The following POU6F2 variants were observed in gnomAD, a reference collection of about 807,000 sequenced individuals.
POU6F2 encodes the protein POU domain, class 6, transcription factor 2.
POU6F2 carries 31 observed loss-of-function variants against 71.3 expected under a neutral mutation model. The observed-to-expected ratio is 0.43, with a 90% CI of 0.33 to 0.59. The LOEUF is 0.59. Among genes scored for constraint, POU6F2 ranks in the 20% least tolerant of loss-of-function variants. POU6F2 has a pLI of 0.04. For synonymous variants in POU6F2, 347 were observed against 355.7 expected, an observed-to-expected ratio of 0.98 and a Z score of 0.27; for missense variants, 783 against 856.8, an observed-to-expected ratio of 0.91 and a Z score of 1.07.
intron 1 of POU6F2, among the ~76,000 whole-genome samples, chr7:39,064,537 A>T (rs1207604827): frequency 2.0e-5 from 3 of 151,924 alleles, no homozygotes; most frequent in Non-Finnish European, 4.4e-5. Flanking sequence ...GCAGAATGAC[A>T]GAAAATAAAA....
At chr7:39,103,672 A>G (rs1791620181) in intron 2 of POU6F2, among the ~76,000 whole-genome samples, 1 of 152,034 alleles carries the variant, frequency 6.6e-6, no homozygotes, top group African/African-American at 2.4e-5. Flanking sequence ...CCTTACCACA[A>G]ATTCTTTTCT....
At chr7:39,050,818 A>G (rs1159236594) in intron 1 of POU6F2, among the ~76,000 whole-genome samples, 1 of 152,172 alleles carries the variant, frequency 6.6e-6, no homozygotes, top group East Asian at 1.9e-4. Flanking sequence ...CAAAAATGCC[A>G]TGGATTTCCA....
At chr7:39,188,244 C>T (rs747223103) in intron 2 of POU6F2, among the ~76,000 whole-genome samples, 52 of 152,188 alleles carry the variant, frequency 3.4e-4, no homozygotes, top group Admixed American at 5.9e-4. Context: ...TCAAAAATCA[C>T]ACAGGCAGTG....
At chr7:39,397,501 T>C (rs866324667) in intron 5 of POU6F2, among the ~76,000 whole-genome samples, 1,706 of 131,358 alleles carry the variant, frequency 0.013, 25 homozygotes, top group African/African-American at 0.04. Context: ...TATATATATA[T>C]ACACATTTTG....
chr7:39,427,721 G>A (rs1283958002), intron 6 of POU6F2, among the ~76,000 whole-genome samples: 1 of 152,168 alleles, frequency 6.6e-6, no homozygotes, highest in African/African-American at 2.4e-5. Context: ...GGAAGTCACC[G>A]ATTTACAGCA....
Position 39,248,700 on chromosome 7 carries a change from C to T in POU6F2, c.598+41080C>T, listed in dbSNP as rs554792238. ...GTGCTTCCAGTAGTTTGGGGCAATT[C>T]TGTTGTTTACTGTTGGAGTGCAAAC... On this transcript the variant is annotated intron_variant, in intron 4 of 9. Coordinates refer to ENST00000518318, the MANE Select transcript of POU6F2 (RefSeq NM_001370959.1). Among the ~76,000 whole-genome samples the T allele has an allele frequency of 6.1e-4, 93 of 152,306 alleles. 2 individuals are homozygous for T. The South Asian group carries it at 0.019, about 32-fold the overall frequency.
At chr7:39,034,596 G>A (rs1034191305) in intron 1 of POU6F2, 16 of 272,642 alleles carry the variant, frequency 5.9e-5, no homozygotes, top group African/African-American at 3.3e-4. Flanking sequence ...GGAATCGATG[G>A]ACCAAAATGA....
At chr7:39,412,843 C>G (rs1787581649) in intron 6 of POU6F2, among the ~76,000 whole-genome samples, 1 of 111,136 alleles carries the variant, frequency 9.0e-6, no homozygotes, top group African/African-American at 3.4e-5. Flanking sequence ...GCTTCTTGCC[C>G]AGGCTGGAGT....
chr7:39,261,685 T>C (rs1784141738), intron 4 of POU6F2, among the ~76,000 whole-genome samples: 1 of 152,218 alleles, frequency 6.6e-6, no homozygotes, highest in African/African-American at 2.4e-5. Flanking sequence ...CATGCTGTCA[T>C]TTCCCATCTA....
chr7:39,408,589 A>G (rs1787487215), intron 6 of POU6F2, among the ~76,000 whole-genome samples: 1 of 152,230 alleles, frequency 6.6e-6, no homozygotes, highest in African/African-American at 2.4e-5. Context: ...AAAATATCTT[A>G]TTTTAGAAAC....
At chr7:39,068,584 G>A (rs1408635096) in intron 1 of POU6F2, among the ~76,000 whole-genome samples, 3 of 151,556 alleles carry the variant, frequency 2.0e-5, no homozygotes, top group African/African-American at 7.3e-5. Context: ...AAAAATAAAT[G>A]TAGACTGTCA....
intron 2 of POU6F2, among the ~76,000 whole-genome samples, chr7:39,190,417 T>TAAAAAAAAAAA (rs57872350): frequency 3.8e-4 from 23 of 59,906 alleles, no homozygotes; most frequent in African/African-American, 1.5e-3. Flanking sequence ...CTCCTTTTCT[T>TAAAAAAAAAAA]AAAAAAAAAA....
chr7:39,019,601 C>T (rs1012182179), intron 1 of POU6F2, among the ~76,000 whole-genome samples: 2 of 151,278 alleles, frequency 1.3e-5, no homozygotes, highest in Non-Finnish European at 2.9e-5. Flanking sequence ...AGATGTTGGC[C>T]TTCCTGGATT....
intron 4 of POU6F2, among the ~76,000 whole-genome samples, chr7:39,208,038 C>T (rs1167136798): frequency 1.3e-5 from 2 of 152,198 alleles, no homozygotes; most frequent in East Asian, 3.9e-4. Context: ...ATCTCAAATA[C>T]AAGATATTAT....
intron 1 of POU6F2, among the ~76,000 whole-genome samples, chr7:38,997,321 G>T (rs1788768645): frequency 6.6e-6 from 1 of 152,034 alleles, no homozygotes; most frequent in South Asian, 2.1e-4. Context: ...CTACACTCTA[G>T]TCTAATTGAA....
intron 1 of POU6F2, among the ~76,000 whole-genome samples, chr7:39,079,780 G>A (rs1791077673): frequency 6.6e-6 from 1 of 152,150 alleles, no homozygotes; most frequent in African/African-American, 2.4e-5. Context: ...GTTGAGGAAG[G>A]AAGTGCATGC....
At chr7:39,000,454 ACTGT>A (rs1245907034) in intron 1 of POU6F2, among the ~76,000 whole-genome samples, 1 of 151,670 alleles carries the variant, frequency 6.6e-6, no homozygotes, top group African/African-American at 2.4e-5. Context: ...ACTGCTCTCC[ACTGT>A]CTATCTTCTG....
In POU6F2 at chr7:39,464,631, C is replaced by T. The variant is rs137959267; in HGVS notation, c.2108C>T (p.Pro703Leu). ...NTIKRLKQHEPATAVPLEPLT... is the reference protein window; with the variant it reads ...NTIKRLKQHELATAVPLEPLT... ...ATTAAACGCTTAAAACAGCACGAGC[C>T]GGCCACGGCAGTCCCTTTGGAGCCC... The change falls in exon 10 of 10, where the codon CCG becomes CTG. Residue 703 changes from proline (P) to leucine (L), a missense_variant. By Grantham distance (98) the Pro-to-Leu change is moderately conservative. Transcript: ENST00000518318. The surrounding 1 kb of genome is among the most constrained non-coding windows in gnomAD (Gnocchi z 4.1). 9 of 1,608,988 alleles carry T rather than the reference C, an allele frequency of 5.6e-6. No individual in the cohort carries two copies. Among genetic ancestry groups the T allele is most frequent in the Non-Finnish European group, 6.8e-6 (8 of 1,177,780 alleles).
intron 4 of POU6F2, among the ~76,000 whole-genome samples, chr7:39,213,948 T>G (rs1302558255): frequency 6.6e-6 from 1 of 152,206 alleles, no homozygotes; most frequent in Non-Finnish European, 1.5e-5. Context: ...TTGAGGAATA[T>G]ACCTTTCTTC....
Sources: gnomAD v4.1 joint callset for allele counts (sites outside exome capture counted in the v4.1 genomes callset) on GRCh38, gnomAD v4.1.1 for gene constraint, Gnocchi (gnomAD v3.1) non-coding constraint, MANE v1.5 for transcripts, NCBI Gene and HGNC (gene_info 2026-07-23, HGNC 2026-07-21) for gene names.